Variants in MAD1L1 observed in about 807,000 individuals in gnomAD.
The protein encoded by MAD1L1 is mitotic arrest deficient 1 like 1.
MAD1L1 carries 95 observed loss-of-function variants against 96.9 expected under a neutral mutation model. The observed-to-expected ratio is 0.98, with a 90% CI of 0.83 to 1.16. MAD1L1 has a LOEUF of 1.16. MAD1L1 is among the 50% of genes most tolerant of loss of function. MAD1L1 has a pLI of 0.00. For missense variants in MAD1L1, 1,007 were observed against 954.4 expected (o/e 1.06, Z -0.73); for synonymous variants, 473 against 396.6 (o/e 1.19, Z -2.29).
At chr7:2,148,722 G>C (rs1789428875) in intron 11 of MAD1L1, 1 of 176,782 alleles carries the variant, frequency 5.7e-6, no homozygotes, top group Admixed American at 5.7e-5. Flanking sequence ...CATGTCTCTT[G>C]GTATTCATAG....
intron 18 of MAD1L1, among the ~76,000 whole-genome samples, chr7:1,874,290 C>T (rs561086058): frequency 5.9e-5 from 9 of 152,236 alleles, no homozygotes; most frequent in Admixed American, 2.6e-4. Flanking sequence ...ACCGTGTCAT[C>T]GCACGGCCAG....
At chr7:1,897,171 G>GAATCAGACAGGCAGCGGCTCACCGCTC (rs1349501252) in intron 18 of MAD1L1, among the ~76,000 whole-genome samples, 5 of 152,280 alleles carry the variant, frequency 3.3e-5, no homozygotes, top group African/African-American at 1.2e-4. Context: ...GGCTAAGGCT[G>GAATCAGACAGGCAGCGGCTCACCGCTC]AATCAGACAG....
intron 13 of MAD1L1, among the ~76,000 whole-genome samples, chr7:2,006,757 C>G (rs573787213): frequency 1.3e-5 from 2 of 152,156 alleles, no homozygotes; most frequent in Non-Finnish European, 2.9e-5. Context: ...CCCAAGACGA[C>G]GCTCTCTGTG....
intron 17 of MAD1L1, among the ~76,000 whole-genome samples, chr7:1,921,023 G>A (rs1437692086): frequency 6.6e-6 from 1 of 152,192 alleles, no homozygotes; most frequent in Admixed American, 6.5e-5. Context: ...TGGGGAGGTG[G>A]GAAGAGGGCG....
intron 10 of MAD1L1, among the ~76,000 whole-genome samples, chr7:2,158,610 G>C (rs1041174424): frequency 1.3e-5 from 2 of 152,218 alleles, no homozygotes; most frequent in Non-Finnish European, 2.9e-5. Flanking sequence ...CAAAACCTCA[G>C]TGCTACAAAC....
chr7:1,821,960 T>C (rs1028218706), intron 18 of MAD1L1, among the ~76,000 whole-genome samples: 17 of 151,960 alleles, frequency 1.1e-4, no homozygotes, highest in African/African-American at 2.9e-4. Context: ...AGCATAGGGA[T>C]TGGAAAAGAA....
At chr7:1,819,812 G>C (rs1038792987) in intron 18 of MAD1L1, among the ~76,000 whole-genome samples, 6 of 152,108 alleles carry the variant, frequency 3.9e-5, no homozygotes, top group Non-Finnish European at 7.4e-5. Flanking sequence ...GCAGGATGTG[G>C]TGGGGCTCGG....
intron 18 of MAD1L1, among the ~76,000 whole-genome samples, chr7:1,895,064 TC>T (rs1325915266): frequency 6.6e-6 from 1 of 151,946 alleles, no homozygotes; most frequent in Non-Finnish European, 1.5e-5. Context: ...GGAAGAAGGG[TC>T]CCACATCTGG....
chr7:1,953,673 G>T (rs148393653), intron 16 of MAD1L1, among the ~76,000 whole-genome samples: 1 of 152,270 alleles, frequency 6.6e-6, no homozygotes, highest in East Asian at 1.9e-4. Context: ...AGGAAGCCCC[G>T]CGGCGGAACA....
At chr7:1,986,108 A>T (rs889609085) in intron 14 of MAD1L1, among the ~76,000 whole-genome samples, 12 of 152,170 alleles carry the variant, frequency 7.9e-5, no homozygotes, top group African/African-American at 2.7e-4. Context: ...ACAGGTTCAC[A>T]GTGGGGAAGG....
chr7:2,057,198 A>G (rs1208454429), intron 12 of MAD1L1, among the ~76,000 whole-genome samples: 1 of 152,216 alleles, frequency 6.6e-6, no homozygotes, highest in Non-Finnish European at 1.5e-5. Flanking sequence ...CACAGCACCT[A>G]AATGTGCCAG....
intron 12 of MAD1L1, among the ~76,000 whole-genome samples, chr7:2,045,530 T>C (rs7797112): frequency 0.36 from 54,716 of 152,142 alleles, 10,885 homozygotes; most frequent in African/African-American, 0.53. Flanking sequence ...TTTCTTTAAC[T>C]GGAGGTTAAT....
At chr7:2,037,958 G>A (rs944047081) in intron 12 of MAD1L1, among the ~76,000 whole-genome samples, 1 of 152,208 alleles carries the variant, frequency 6.6e-6, no homozygotes, top group African/African-American at 2.4e-5. Context: ...GCAAAGATAA[G>A]CCGAAAGCCA....
chr7:2,027,021 CA>C (rs1783023283), intron 12 of MAD1L1, among the ~76,000 whole-genome samples: 1 of 151,750 alleles, frequency 6.6e-6, no homozygotes, highest in South Asian at 2.1e-4. Context: ...AAGCAAATAA[CA>C]ATATTGAAAA....
intron 17 of MAD1L1, among the ~76,000 whole-genome samples, chr7:1,909,817 G>T (rs1170097451): frequency 1.3e-5 from 2 of 152,174 alleles, no homozygotes; most frequent in East Asian, 3.8e-4. Flanking sequence ...CTTGAGACAC[G>T]GCCTCCATGA....
At chr7:2,125,084 A>G (rs1562710463) in intron 11 of MAD1L1, among the ~76,000 whole-genome samples, 1 of 152,202 alleles carries the variant, frequency 6.6e-6, no homozygotes, top group Non-Finnish European at 1.5e-5. Flanking sequence ...CAGCGACCCC[A>G]GGAAGTCCCT....
chr7:2,112,555 C>A (rs890095900), intron 11 of MAD1L1, among the ~76,000 whole-genome samples: 1 of 152,238 alleles, frequency 6.6e-6, no homozygotes, highest in Non-Finnish European at 1.5e-5. Context: ...AGACCCTGTG[C>A]GCACGTGAGG....
In MAD1L1 at chr7:1,932,546, C is replaced by G. The variant is rs146213409; in HGVS notation, c.1807+4141G>C. On this transcript the variant is annotated intron_variant, in intron 17 of 18. Coordinates refer to ENST00000265854, the MANE Select transcript of MAD1L1 (RefSeq NM_001013836.2). ...GATGCAGGTCACTCTGCTAGAAACT[C>G]GGAGGTGCTGCTGCTAGGAAACGCT... 5.0e-3 allele frequency among the ~76,000 whole-genome samples: 760 copies of G among 152,376 alleles called. 9 individuals carry two copies. The highest frequency in any genetic ancestry group is 8.2e-3 in the Non-Finnish European group (557 of 68,038).
chr7:2,114,439 T>A lies in MAD1L1; in HGVS notation c.1073+34713A>T, dbSNP rs993219173. Among the ~76,000 whole-genome samples the A allele has an allele frequency of 6.6e-6, 1 of 152,212 alleles. No homozygotes were observed. The highest frequency in any genetic ancestry group is 1.5e-5 in the Non-Finnish European group (1 of 68,034). ...ATCCTCCTTAAGGCCACAAAGTGTA[T>A]GGTCCTAGGGCATCTTTCCTGAAAG... On this transcript the variant is annotated intron_variant, in intron 11 of 18. Transcript: ENST00000265854. This position sits in a 1 kb window ranked among gnomAD's most constrained non-coding sequence, Gnocchi z 4.2.
Sources: gnomAD v4.1 joint callset for allele counts (sites outside exome capture counted in the v4.1 genomes callset) on GRCh38, gnomAD v4.1.1 for gene constraint, Gnocchi (gnomAD v3.1) non-coding constraint, MANE v1.5 for transcripts, NCBI Gene and HGNC (gene_info 2026-07-23, HGNC 2026-07-21) for gene names.